FGF14: variants seen among roughly 807,000 people sequenced by gnomAD.
FGF14 encodes fibroblast growth factor 14, also known as fibroblast growth factor homologous factor 4.
Under a neutral mutation model 25.5 loss-of-function variants are expected in FGF14, and 5 were observed. The ratio of observed to expected loss-of-function variants is 0.20; its 90% confidence interval spans 0.10 to 0.41. The LOEUF is 0.41. FGF14 is among the 10% of genes least tolerant of loss of function. The pLI is 1.00. For missense variants in FGF14, 222 were observed against 320.1 expected (o/e 0.69, Z 2.34); for synonymous variants, 138 against 118.3 (o/e 1.17, Z -1.08).
In FGF14 at chr13:102,189,017, T is replaced by A. The variant is rs765206959; in HGVS notation, c.208+212454A>T. ...GAAAGAAAGAAAGAAAGAGAAAGAA[T>A]GAAAGAAGAAAAGAAAGAAAGAAAG... On this transcript the variant is annotated intron_variant, in intron 1 of 4. Transcript: ENST00000376131. 6.5e-3 allele frequency among the ~76,000 whole-genome samples: 439 copies of A among 67,434 alleles called. 2 individuals carry two copies. Among genetic ancestry groups the A allele is most frequent in the East Asian group, 0.013 (37 of 2,954 alleles). The allele number at this position is 67,434 out of a possible 152,430, so 44.2% of individuals were successfully genotyped here. A position where few individuals can be genotyped will look rare whatever the true frequency, so the allele number is the denominator to read the frequency against.
chr13:102,137,438 T>C (rs1212663465), intron 1 of FGF14, among the ~76,000 whole-genome samples: 2 of 152,192 alleles, frequency 1.3e-5, no homozygotes, highest in East Asian at 1.9e-4. Context: ...ATAAAATATA[T>C]GCAACCAAGT....
chr13:101,993,191 TA>T (rs60655623), intron 1 of FGF14, among the ~76,000 whole-genome samples: 50,858 of 143,668 alleles, frequency 0.35, 9,603 homozygotes, highest in East Asian at 0.7. Context: ...AAGCATTGAT[TA>T]AAAAAAAAAA....
chr13:101,740,492 T>C (rs1311433727), intron 3 of FGF14, among the ~76,000 whole-genome samples: 1 of 152,104 alleles, frequency 6.6e-6, no homozygotes, highest in Non-Finnish European at 1.5e-5. Flanking sequence ...ACATGGCTGA[T>C]TGGAGAAATA....
At chr13:102,399,463 C>G (rs1282068486) in intron 1 of FGF14, among the ~76,000 whole-genome samples, 1 of 152,218 alleles carries the variant, frequency 6.6e-6, no homozygotes, top group Admixed American at 6.5e-5. Flanking sequence ...CACCCCTGCC[C>G]TTCCCACTGC....
chr13:102,221,080 G>A (rs2050590190), intron 1 of FGF14, among the ~76,000 whole-genome samples: 1 of 152,202 alleles, frequency 6.6e-6, no homozygotes, highest in African/African-American at 2.4e-5. Context: ...CAGATTCTGT[G>A]AAAGAATGTT....
Position 102,033,743 on chromosome 13 carries a change from G to A in FGF14, c.209-158447C>T, listed in dbSNP as rs117723334. On this transcript the variant is annotated intron_variant, in intron 1 of 4. Coordinates refer to the FGF14 transcript ENST00000376131. ...AGCAAGAAAGCTCACTGGCTCTAAA[G>A]CATTTATATCAATTTTAAAGATTAT... 7.5e-3 allele frequency among the ~76,000 whole-genome samples: 1,144 copies of A among 152,194 alleles called. 16 individuals are homozygous for A. Among genetic ancestry groups the A allele is most frequent in the East Asian group, 0.02 (104 of 5,170 alleles).
chr13:102,159,621 T>A lies in FGF14; in HGVS notation c.208+241850A>T, dbSNP rs989668939. ...TTGTCCCACCTATCAAACTGTAGCATAATTGTGTGCTTATTGCCTTATGAG... is the reference window on the plus strand; with the variant it reads ...TTGTCCCACCTATCAAACTGTAGCAAAATTGTGTGCTTATTGCCTTATGAG... On this transcript the variant is annotated intron_variant, in intron 1 of 4. Coordinates refer to the FGF14 transcript ENST00000376131. 3.9e-5 allele frequency among the ~76,000 whole-genome samples: 6 copies of A among 152,186 alleles called. No individual in the cohort carries two copies. The South Asian group carries it at 8.3e-4, about 21-fold the overall frequency.
chr13:101,721,690 G>A lies in FGF14; in HGVS notation c.*1141C>T, dbSNP rs1594022796. 2.6e-5 allele frequency: 4 copies of A among 152,084 alleles called. No homozygotes were observed. The allele number at this position is 152,084 out of a possible 1,614,324, so 9.4% of individuals were successfully genotyped here. On this transcript the variant is annotated 3_prime_UTR_variant, in exon 5 of 5. Coordinates refer to ENST00000376143, the MANE Select transcript of FGF14 (RefSeq NM_004115.4). ...ATTTATAACTAACGTTTGCATTGCT[G>A]CTGCAGGAAAGAACACAACAGCCGT...
chr13:101,785,817 A>G (rs1462010385), intron 3 of FGF14, among the ~76,000 whole-genome samples: 1 of 152,170 alleles, frequency 6.6e-6, no homozygotes, highest in Non-Finnish European at 1.5e-5. Flanking sequence ...AAGTTAATTT[A>G]TAGTGCTTCT....
At chr13:101,832,775 TAGAA>T (rs981057693) in intron 3 of FGF14, among the ~76,000 whole-genome samples, 11 of 152,000 alleles carry the variant, frequency 7.2e-5, no homozygotes, top group Admixed American at 3.9e-4. Context: ...AGTAATGAGA[TAGAA>T]AGACATAAGA....
chr13:102,153,547 C>T (rs557725225), intron 1 of FGF14, among the ~76,000 whole-genome samples: 99 of 152,234 alleles, frequency 6.5e-4, no homozygotes, highest in African/African-American at 2.2e-3. Flanking sequence ...AGATACAGTA[C>T]ATGAAATGTA....
At chr13:102,365,384 T>C (rs1383977415) in intron 1 of FGF14, among the ~76,000 whole-genome samples, 3 of 152,168 alleles carry the variant, frequency 2.0e-5, no homozygotes, top group Non-Finnish European at 4.4e-5. Flanking sequence ...CTCGACTAAC[T>C]ATGAAACCTT....
intron 1 of FGF14, among the ~76,000 whole-genome samples, chr13:102,150,483 T>C (rs193031607): frequency 2.1e-4 from 32 of 152,312 alleles, no homozygotes; most frequent in Admixed American, 1.0e-3. Flanking sequence ...CCATTCTCAC[T>C]TACGTTATTC....
intron 1 of FGF14, among the ~76,000 whole-genome samples, chr13:102,391,273 G>C (rs1278117470): frequency 6.6e-6 from 1 of 152,154 alleles, no homozygotes; most frequent in Non-Finnish European, 1.5e-5. Flanking sequence ...CTACAACAAA[G>C]GGCAAGCGGT....
chr13:102,236,139 T>C (rs146834348), intron 1 of FGF14, among the ~76,000 whole-genome samples: 108 of 152,294 alleles, frequency 7.1e-4, no homozygotes, highest in Middle Eastern at 6.8e-3. Flanking sequence ...GGTGAGTGCG[T>C]CCCTCCTCTT....
intron 1 of FGF14, among the ~76,000 whole-genome samples, chr13:102,077,129 C>T (rs770047119): frequency 6.6e-6 from 1 of 152,030 alleles, no homozygotes; most frequent in African/African-American, 2.4e-5. Flanking sequence ...AAAATTGGCT[C>T]AAAATGGAAG....
chr13:102,265,906 G>GA (rs547933594), intron 1 of FGF14, among the ~76,000 whole-genome samples: 25 of 150,466 alleles, frequency 1.7e-4, no homozygotes, highest in African/African-American at 4.9e-4. Flanking sequence ...AATATAAGAA[G>GA]AAAAAAAAAT....
chr13:102,323,050 T>A (rs953120643), intron 1 of FGF14, among the ~76,000 whole-genome samples: 2 of 152,222 alleles, frequency 1.3e-5, no homozygotes, highest in African/African-American at 4.8e-5. Flanking sequence ...CCCTGTGGTT[T>A]CTGCTCATAA....
intron 1 of FGF14, among the ~76,000 whole-genome samples, chr13:102,097,710 C>G (rs2044467189): frequency 1.3e-5 from 2 of 152,166 alleles, no homozygotes; most frequent in Admixed American, 6.6e-5. Context: ...TTTCAAATTG[C>G]CAACCTCGCC....
Sources: gnomAD v4.1 joint callset for allele counts (sites outside exome capture counted in the v4.1 genomes callset) on GRCh38, gnomAD v4.1.1 for gene constraint, MANE v1.5 for transcripts, NCBI Gene and HGNC (gene_info 2026-07-23, HGNC 2026-07-21) for gene names.